Variants in PCDH11X observed in about 807,000 individuals in gnomAD.
PCDH11X encodes the protein protocadherin-11 X-linked.
Under a neutral mutation model 53.3 loss-of-function variants are expected in PCDH11X, and 18 were observed. That is an observed-to-expected ratio of 0.34 (90% CI 0.23 to 0.50). The LOEUF (loss-of-function observed/expected upper bound fraction) is 0.50, where lower values mean the gene tolerates loss of function less well. Among genes scored for constraint, PCDH11X ranks in the 20% least tolerant of loss-of-function variants. The pLI is 0.98. For missense variants in PCDH11X, 570 were observed against 1,032.4 expected (o/e 0.55, Z 6.14); for synonymous variants, 279 against 393.3 (o/e 0.71, Z 3.44).
chrX:92,465,200 A>G (rs1452571404), intron 9 of PCDH11X, among the ~76,000 whole-genome samples: 2 of 111,838 alleles, frequency 1.8e-5, no homozygotes, highest in Admixed American at 9.5e-5. Flanking sequence ...TTTTCAGGTG[A>G]ATTGAATCTT....
At chrX:92,107,834 C>T (rs1335945359) in intron 6 of PCDH11X, among the ~76,000 whole-genome samples, 2 of 112,232 alleles carry the variant, frequency 1.8e-5, no homozygotes, top group Non-Finnish European at 3.8e-5. Flanking sequence ...GCCATGGTCA[C>T]TCATATTTGG....
At chrX:92,379,052 C>T (rs1421141895) in intron 8 of PCDH11X, among the ~76,000 whole-genome samples, 2 of 112,842 alleles carry the variant, frequency 1.8e-5, no homozygotes, top group Admixed American at 9.3e-5. Flanking sequence ...GTGGGGGAGG[C>T]GTGACCAGGG....
In PCDH11X at chrX:91,945,048, C is replaced by CATATATATATATATATATAT. The variant is rs754168068; in HGVS notation, c.3033+65776_3033+65795dup. On this transcript the variant is annotated intron_variant, in intron 6 of 10. Coordinates refer to ENST00000682573, the MANE Select transcript of PCDH11X (RefSeq NM_032968.5). Reference sequence around the variant, plus strand: ...TCTAAGTCTTCGTAGACATCATATACATATATATATATATATATATTCTTA... The same window carrying CATATATATATATATATATAT: ...TCTAAGTCTTCGTAGACATCATATACATATATATATATATATATATATATATATATATATATATATTCTTA... Among the ~76,000 whole-genome samples, 273 of 62,587 alleles carry CATATATATATATATATATAT rather than the reference C, an allele frequency of 4.4e-3. 2 individuals carry two copies. Among genetic ancestry groups the CATATATATATATATATATAT allele is most frequent in the Middle Eastern group, 0.018 (2 of 112 alleles). 54.3% of individuals were successfully genotyped at this position (62,587 alleles called of 115,157 possible). A position where few individuals can be genotyped will look rare whatever the true frequency, so the allele number is the denominator to read the frequency against.
chrX:91,823,503 C>G (rs1313394199), intron 4 of PCDH11X, among the ~76,000 whole-genome samples: 1 of 110,834 alleles, frequency 9.0e-6, no homozygotes, highest in Admixed American at 9.7e-5. Flanking sequence ...CAATCCCTGC[C>G]TTTTTTTGTT....
At chrX:92,113,091 ATT>A (rs199684013) in intron 6 of PCDH11X, among the ~76,000 whole-genome samples, 9 of 96,214 alleles carry the variant, frequency 9.4e-5, no homozygotes, top group African/African-American at 2.0e-4. Context: ...CTTTTTATCT[ATT>A]TTTTTTTTTT....
intron 9 of PCDH11X, among the ~76,000 whole-genome samples, chrX:92,417,828 T>TTTTA: frequency 1.1e-5 from 1 of 92,601 alleles, no homozygotes. Flanking sequence ...CCATTTTTTT[T>TTTTA]TTTTTTTTTG....
Position 92,129,351 on chromosome X carries a change from A to G in PCDH11X, c.3034-72024A>G, listed in dbSNP as rs7061137. Among the ~76,000 whole-genome samples the G allele has an allele frequency of 3.7e-3, 410 of 111,535 alleles. 3 individuals carry two copies. Among genetic ancestry groups the G allele is most frequent in the African/African-American group, 0.013 (400 of 30,380 alleles). On this transcript the variant is annotated intron_variant, in intron 6 of 10. Transcript: ENST00000682573. ...AGTTGCAGTGAGCCGAGATCGTGCCATTGCACTACAGCCTGGGCAACAGAG... is the reference window on the plus strand; with the variant it reads ...AGTTGCAGTGAGCCGAGATCGTGCCGTTGCACTACAGCCTGGGCAACAGAG...
At chrX:92,285,346 A>G (rs1435446600) in intron 8 of PCDH11X, among the ~76,000 whole-genome samples, 1 of 101,566 alleles carries the variant, frequency 9.8e-6, no homozygotes, top group African/African-American at 3.7e-5. Flanking sequence ...CTCCGCCTCC[A>G]GGGTTCAAGC....
At chrX:91,937,458 A>G (rs1353670685) in intron 6 of PCDH11X, among the ~76,000 whole-genome samples, 1 of 111,508 alleles carries the variant, frequency 9.0e-6, no homozygotes, top group Admixed American at 9.6e-5. Context: ...TAAAGTTCAA[A>G]TAGATGCAAC....
intron 10 of PCDH11X, among the ~76,000 whole-genome samples, chrX:92,564,066 G>A (rs1231639820): frequency 9.1e-6 from 1 of 109,586 alleles, no homozygotes; most frequent in East Asian, 2.9e-4. Context: ...GGCAAAAAAA[G>A]TGAAAAGTCT....
intron 7 of PCDH11X, among the ~76,000 whole-genome samples, chrX:92,212,628 G>A (rs1301950148): frequency 8.9e-6 from 1 of 112,088 alleles, no homozygotes; most frequent in African/African-American, 3.2e-5. Context: ...TGGATTACAG[G>A]CGTGAGCCAC....
chrX:91,808,507 AAAG>A (rs1200418288), intron 1 of PCDH11X, among the ~76,000 whole-genome samples: 16 of 109,542 alleles, frequency 1.5e-4, no homozygotes, highest in African/African-American at 5.3e-4. Context: ...GAAAAAAAAA[AAAG>A]AGAGGAATGT....
At chrX:92,024,718 C>CAAAAAAAAAAAAAAAAAA (rs199917287) in intron 6 of PCDH11X, among the ~76,000 whole-genome samples, 2 of 54,673 alleles carry the variant, frequency 3.7e-5, no homozygotes, top group Admixed American at 1.9e-4. Context: ...CAATCCTAAG[C>CAAAAAAAAAAAAAAAAAA]AAAAAAAAAA....
chrX:92,226,002 C>T (rs758682271), intron 7 of PCDH11X, among the ~76,000 whole-genome samples: 4 of 111,188 alleles, frequency 3.6e-5, no homozygotes, highest in South Asian at 3.8e-4. Context: ...CTTCAGGTAT[C>T]GAAAGGTTAT....
At chrX:92,605,203 C>T (rs914403576) in intron 10 of PCDH11X, among the ~76,000 whole-genome samples, 4 of 109,644 alleles carry the variant, frequency 3.6e-5, no homozygotes, top group Non-Finnish European at 5.7e-5. Context: ...AGATTGAACT[C>T]ATCCAGAATA....
intron 9 of PCDH11X, among the ~76,000 whole-genome samples, chrX:92,437,132 T>C (rs2072400064): frequency 9.0e-6 from 1 of 110,691 alleles, no homozygotes; most frequent in Non-Finnish European, 1.9e-5. Flanking sequence ...ATACACCTAC[T>C]CTGTACGCAC....
chrX:92,092,976 G>T (rs2064073810), intron 6 of PCDH11X, among the ~76,000 whole-genome samples: 1 of 110,905 alleles, frequency 9.0e-6, no homozygotes, highest in South Asian at 3.9e-4. Flanking sequence ...GTTGTTGCAA[G>T]ACCTGGTTGT....
chrX:91,788,426 A>G (rs1935404284), intron 1 of PCDH11X, among the ~76,000 whole-genome samples: 1 of 112,438 alleles, frequency 8.9e-6, no homozygotes, highest in African/African-American at 3.2e-5. Context: ...TTTTTAAAAA[A>G]TGACTGGAAA....
rs1469710652 is a variant in PCDH11X at position 92,369,943 on chromosome X, G to A, written c.3145-17792G>A. On this transcript the variant is annotated intron_variant, in intron 8 of 10. Transcript: ENST00000682573. ...CTGTACATAGGAGCTGTGCCTATTT[G>A]GCCACCTTGGCCCCTCTCCTGTTTC... is the stretch of plus-strand genomic sequence containing the variant. Among the ~76,000 whole-genome samples the A allele has an allele frequency of 8.5e-5, 9 of 106,216 alleles. No homozygotes were observed. In the East Asian group the frequency reaches 9.0e-4, roughly 11 times the overall value. The allele number at this position is 106,216 out of a possible 115,157, so 92.2% of individuals were successfully genotyped here.
Sources: gnomAD v4.1 joint callset for allele counts (sites outside exome capture counted in the v4.1 genomes callset) on GRCh38, gnomAD v4.1.1 for gene constraint, MANE v1.5 for transcripts, NCBI Gene and HGNC (gene_info 2026-07-23, HGNC 2026-07-21) for gene names.